ACTR3C: variants seen among roughly 807,000 people sequenced by gnomAD.
ACTR3C encodes the protein actin-related protein 3C.
A neutral mutation model predicts 26.3 loss-of-function variants in ACTR3C; 18 were observed. That is an observed-to-expected ratio of 0.68 (90% CI 0.47 to 1.01). The LOEUF is 1.01. Among genes scored for constraint, ACTR3C ranks in the 50% least tolerant of loss-of-function variants. ACTR3C has a pLI of 0.00. For missense variants in ACTR3C, 184 were observed against 250.7 expected (o/e 0.73, Z 1.80); for synonymous variants, 55 against 94.5 (o/e 0.58, Z 2.42).
chr7:150,162,590 C>G, the ACTR3C span, among the ~76,000 whole-genome samples: 2 of 152,152 alleles, frequency 1.3e-5, no homozygotes, highest in Non-Finnish European at 2.9e-5. Context: ...GCTGGGATTA[C>G]AGGCATGAGC....
the ACTR3C span, among the ~76,000 whole-genome samples, chr7:150,125,366 TG>T: frequency 8.6e-5 from 13 of 151,784 alleles, no homozygotes; most frequent in Middle Eastern, 6.8e-3. Flanking sequence ...GCAAGGCCGC[TG>T]GGTAAAATGA....
the ACTR3C span, among the ~76,000 whole-genome samples, chr7:149,967,285 T>C: frequency 3.7e-4 from 56 of 152,218 alleles, no homozygotes; most frequent in South Asian, 5.2e-3. Context: ...TCCACCCGCC[T>C]CAGCCTCCCA....
At chr7:149,932,327 G>A in the ACTR3C span, among the ~76,000 whole-genome samples, 1 of 152,122 alleles carries the variant, frequency 6.6e-6, no homozygotes, top group South Asian at 2.1e-4. Context: ...GCTGGGGGAA[G>A]GATGAATGGG....
chr7:149,912,246 C>T, the ACTR3C span, among the ~76,000 whole-genome samples: 4 of 151,684 alleles, frequency 2.6e-5, no homozygotes, highest in African/African-American at 9.7e-5. Context: ...TAACTATGGC[C>T]CACAGCAGGA....
At chr7:150,048,379 G>A in the ACTR3C span, among the ~76,000 whole-genome samples, 3 of 151,854 alleles carry the variant, frequency 2.0e-5, no homozygotes, top group Non-Finnish European at 2.9e-5. Context: ...CTGGCGCCTG[G>A]GTGGCAGGGG....
the ACTR3C span, among the ~76,000 whole-genome samples, chr7:150,170,441 A>G: frequency 2.3e-5 from 1 of 43,164 alleles, no homozygotes; most frequent in African/African-American, 5.1e-5. Flanking sequence ...TGGAATCCAC[A>G]TGTGATGATA....
the ACTR3C span, among the ~76,000 whole-genome samples, chr7:150,211,625 C>A: frequency 0.096 from 14,322 of 148,992 alleles, 1,104 homozygotes; most frequent in East Asian, 0.24. Flanking sequence ...TGGAGCTTGA[C>A]GTGACCCTGA....
At chr7:149,889,846 G>T in the ACTR3C span, among the ~76,000 whole-genome samples, 6 of 152,106 alleles carry the variant, frequency 3.9e-5, no homozygotes. Flanking sequence ...AACAGAGCAA[G>T]ATCCCATTTC....
the ACTR3C span, chr7:150,002,230 C>G: frequency 6.6e-6 from 1 of 152,244 alleles, no homozygotes; most frequent in South Asian, 2.1e-4. Context: ...ATTTTATACC[C>G]TCTCCAGCTC....
Position 150,256,424 on chromosome 7 carries a change from G to A in ACTR3C, c.565-7370C>T, listed in dbSNP as rs144272692. 5.3e-4 allele frequency among the ~76,000 whole-genome samples: 80 copies of A among 152,248 alleles called. No homozygotes were observed. In the East Asian group the frequency reaches 0.015, roughly 28 times the overall value. ...AAGCATTCCCTTTCTCTGCAACCTCGCCAATATCTGTTGTTTTTTGACTTT... is the reference window on the plus strand; with the variant it reads ...AAGCATTCCCTTTCTCTGCAACCTCACCAATATCTGTTGTTTTTTGACTTT... On this transcript the variant is annotated intron_variant, in intron 6 of 7. Transcript: ENST00000683684.
chr7:149,882,880 C>T, the ACTR3C span, among the ~76,000 whole-genome samples: 1 of 152,102 alleles, frequency 6.6e-6, no homozygotes, highest in South Asian at 2.1e-4. Context: ...TGTGGCCGGG[C>T]CAGCTGTGTG....
At chr7:150,014,030 A>G in the ACTR3C span, among the ~76,000 whole-genome samples, 1 of 152,130 alleles carries the variant, frequency 6.6e-6, no homozygotes, top group Non-Finnish European at 1.5e-5. Context: ...GAGGGCTTCC[A>G]TGGGCTTCTG....
At chr7:150,099,731 C>T in the ACTR3C span, among the ~76,000 whole-genome samples, 1 of 151,518 alleles carries the variant, frequency 6.6e-6, no homozygotes, top group Non-Finnish European at 1.5e-5. Context: ...CTTATCCTCG[C>T]CCTTAGGGTG....
intron 6 of ACTR3C, among the ~76,000 whole-genome samples, chr7:150,263,333 A>G (rs1382231416): frequency 6.6e-6 from 1 of 152,266 alleles, no homozygotes; most frequent in Non-Finnish European, 1.5e-5. Flanking sequence ...CTGTCTGTCT[A>G]TCTAATCATC....
the ACTR3C span, among the ~76,000 whole-genome samples, chr7:150,019,368 C>A: frequency 1.3e-5 from 2 of 149,688 alleles, no homozygotes; most frequent in Non-Finnish European, 2.9e-5. Context: ...CCAAGGAGGG[C>A]AGATCATGAG....
chr7:150,206,594 G>A, the ACTR3C span, among the ~76,000 whole-genome samples: 1 of 145,408 alleles, frequency 6.9e-6, no homozygotes, highest in Non-Finnish European at 1.5e-5. Context: ...TTTTTTTTTT[G>A]TATTTTTAGT....
chr7:149,896,720 A>C, the ACTR3C span, among the ~76,000 whole-genome samples: 1 of 152,038 alleles, frequency 6.6e-6, no homozygotes, highest in Middle Eastern at 3.4e-3. Context: ...AAGTTAACTG[A>C]CCTGAAATCA....
chr7:149,881,927 A>G, the ACTR3C span: 4,449 of 153,440 alleles, frequency 0.029, 189 homozygotes, highest in African/African-American at 0.092. Flanking sequence ...TGGGCAGTAA[A>G]GTCAGACTGC....
the ACTR3C span, among the ~76,000 whole-genome samples, chr7:150,146,336 T>C: frequency 1.3e-5 from 2 of 152,182 alleles, no homozygotes; most frequent in East Asian, 1.9e-4. Context: ...CAGATCCACT[T>C]CCTTATTTCC....
Sources: gnomAD v4.1 joint callset for allele counts (sites outside exome capture counted in the v4.1 genomes callset) on GRCh38, gnomAD v4.1.1 for gene constraint, MANE v1.5 for transcripts, NCBI Gene and HGNC (gene_info 2026-07-23, HGNC 2026-07-21) for gene names.